FREM1: variants seen among roughly 807,000 people sequenced by gnomAD.
FREM1 encodes FRAS1 related extracellular matrix 1, also known as FRAS1-related extracellular matrix protein 1.
A neutral mutation model predicts 210.1 loss-of-function variants in FREM1; 220 were observed. The observed-to-expected ratio is 1.05, with a 90% CI of 0.94 to 1.17. The LOEUF (loss-of-function observed/expected upper bound fraction) is 1.17, where lower values mean the gene tolerates loss of function less well. Among genes scored for constraint, FREM1 ranks in the 50% most tolerant of loss-of-function variants. The probability of loss-of-function intolerance (pLI) is 0.00; values close to 1 mark genes in which losing one functional copy is unlikely to be tolerated. For synonymous variants in FREM1, 1,189 were observed against 980.2 expected (o/e 1.21, Z -3.98); for missense variants, 3,454 against 2,675.5 (o/e 1.29, Z -6.42).
At chr9:14,793,285 A>G (rs191714780) in intron 21 of FREM1, among the ~76,000 whole-genome samples, 1 of 152,234 alleles carries the variant, frequency 6.6e-6, no homozygotes, top group Non-Finnish European at 1.5e-5. Flanking sequence ...ACTCAATTAA[A>G]GAGATTCATT....
At chr9:14,843,293 A>C (rs913426325) in intron 8 of FREM1, among the ~76,000 whole-genome samples, 6 of 149,610 alleles carry the variant, frequency 4.0e-5, no homozygotes, top group African/African-American at 1.5e-4. Flanking sequence ...TACCCCACTC[A>C]CCCCTCTCCA....
intron 1 of FREM1, among the ~76,000 whole-genome samples, chr9:14,897,961 G>C (rs779064614): frequency 6.6e-6 from 1 of 152,154 alleles, no homozygotes; most frequent in South Asian, 2.1e-4. Flanking sequence ...GAGGTCTTCA[G>C]CTATGACTTA....
rs756003365 is a variant in FREM1, at chr9:14,770,703, C to T, written c.4961G>A (p.Arg1654His). The change falls in exon 26 of 37, where the codon CGC (arginine) becomes CAC (histidine). Residue 1654 changes from arginine (R) to histidine (H), a missense_variant. Arg to His is a conservative substitution (Grantham distance 29). Coordinates refer to ENST00000380880, the MANE Select transcript of FREM1 (RefSeq NM_001379081.2). ...GTCAGGGTCTGATGCCTTCAACACG[C>T]GGGAAGTGATGTAAATCCCGTAGCA... ...NGCYGIYITS[R>H]VLKASDPDTE... 19 of 1,613,144 alleles carry T rather than the reference C, an allele frequency of 1.2e-5. No individual in the cohort carries two copies. Among genetic ancestry groups the T allele is most frequent in the Middle Eastern group, 3.3e-4 (2 of 6,052 alleles).
At position 14,841,592 on chromosome 9, in the gene FREM1, A is replaced by G. The variant is rs777549483; in HGVS notation, c.1739-3T>C. ...AAGGAAGCCATGGACAGGATAGCCT[A>G]TTGGGTCCATAAAACACCACATACT... On this transcript the variant is annotated splice_polypyrimidine_tract_variant and splice_region_variant and intron_variant, in intron 9 of 36. Coordinates refer to ENST00000380880, the MANE Select transcript of FREM1 (RefSeq NM_001379081.2). 6.3e-7 allele frequency: 1 copy of G among 1,582,118 alleles called. No individual in the cohort carries two copies. Among genetic ancestry groups the G allele is most frequent in the South Asian group, 1.2e-5 (1 of 86,662 alleles).
chr9:14,819,600 A>C (rs1820914291), intron 13 of FREM1, among the ~76,000 whole-genome samples, 158 bp from the exon 14 acceptor site: 1 of 152,232 alleles, frequency 6.6e-6, no homozygotes, highest in Non-Finnish European at 1.5e-5. Flanking sequence ...AGACATTTTG[A>C]CTGAAAAATT....
intron 1 of FREM1, among the ~76,000 whole-genome samples, chr9:14,905,913 A>C: frequency 6.6e-6 from 1 of 152,136 alleles, no homozygotes; most frequent in Admixed American, 6.5e-5. Context: ...AGAAAAAAAA[A>C]AAGAATAAAG....
At chr9:14,839,016 C>A (rs1825154046) in intron 10 of FREM1, among the ~76,000 whole-genome samples, 1 of 152,138 alleles carries the variant, frequency 6.6e-6, no homozygotes, top group African/African-American at 2.4e-5. Flanking sequence ...ATGGGAAAAA[C>A]AGATGCTAGA....
rs139055146 is a variant in FREM1 at position 14,841,773 on chromosome 9, G to A, written c.1739-184C>T. 1.3e-3 allele frequency among the ~76,000 whole-genome samples: 196 copies of A among 152,082 alleles called. 1 individual carries two copies. The highest frequency in any genetic ancestry group is 4.3e-3 in the African/African-American group (178 of 41,484). ...CAGAAAAATAATAAATAATAAAGCA[G>A]GAAAACTAAAGTCACTATATCTGTC... On this transcript the variant is annotated intron_variant, in intron 9 of 36. Transcript: ENST00000380880.
Position 14,769,858 on chromosome 9 carries a change from G to C in FREM1, c.5070C>G (p.Ile1690Met), listed in dbSNP as rs374746860. 5.3e-6 allele frequency: 8 copies of C among 1,496,228 alleles called. No homozygotes were observed. The African/African-American group carries it at 1.1e-4, about 21-fold the overall frequency. 92.7% of individuals were successfully genotyped at this position (1,496,228 alleles called of 1,614,324 possible). The change falls in exon 27 of 37, where the codon ATC becomes ATG. Residue 1690 changes from isoleucine (I) to methionine (M), a missense_variant. Coordinates refer to ENST00000380880, the MANE Select transcript of FREM1 (RefSeq NM_001379081.2). ...HLENTTTGEF[I>M]HEKFSQKDLN... ...AGTCCTTTTGGCTAAATTTCTCATG[G>C]ATAAATTCACCTAAAAAAAGAAATA...
Position 14,851,371 on chromosome 9 carries a change from G to T in FREM1, c.1065C>A (p.Ile355=). 6.2e-7 allele frequency: 1 copy of T among 1,613,830 alleles called. No individual in the cohort carries two copies. The highest frequency in any genetic ancestry group is 1.1e-5 in the South Asian group (1 of 91,078). The change falls in exon 6 of 37, where the codon ATC becomes ATA. Residue 355 remains isoleucine (I), a synonymous_variant. Transcript: ENST00000380880. Reference sequence around the variant, plus strand: ...TGAGATCTTTCCAGGTGAATGAGGAGATTGGTCTGGTGTGATCCAACAGGT... The same window carrying T: ...TGAGATCTTTCCAGGTGAATGAGGATATTGGTCTGGTGTGATCCAACAGGT... The part of the protein sequence containing the change: ...VTHLLDHTRP[I]SSFTWKDLSD...
intron 21 of FREM1, among the ~76,000 whole-genome samples, chr9:14,795,791 T>C (rs1053565715): frequency 1.3e-5 from 2 of 152,142 alleles, no homozygotes; most frequent in Non-Finnish European, 2.9e-5. Context: ...TTTAATGAAA[T>C]AATATATGTG....
chr9:14,764,545 T>G (rs1401181009), intron 27 of FREM1, among the ~76,000 whole-genome samples: 2 of 152,206 alleles, frequency 1.3e-5, no homozygotes, highest in East Asian at 3.8e-4. Flanking sequence ...AACATATGTA[T>G]GCTATTTTCT....
At position 14,847,896 on chromosome 9, in the gene FREM1, C is replaced by T. The variant is rs750556417; in HGVS notation, c.1261+769G>A. 3.9e-5 allele frequency among the ~76,000 whole-genome samples: 6 copies of T among 152,282 alleles called. No homozygotes were observed. The South Asian group carries it at 1.2e-3, about 32-fold the overall frequency. On this transcript the variant is annotated intron_variant, in intron 7 of 36. Transcript: ENST00000380880. ...TCTCATTACCCCCTTGACAGAGGTA[C>T]AGTAGGATGTATAGCCAGAATTATA...
intron 14 of FREM1, among the ~76,000 whole-genome samples, chr9:14,817,869 T>C (rs113228160): frequency 6.6e-6 from 1 of 152,200 alleles, no homozygotes; most frequent in Non-Finnish European, 1.5e-5. Flanking sequence ...CCATGCTCCC[T>C]GCAATTTTCA....
At chr9:14,780,615 G>T (rs1849511243) in intron 24 of FREM1, among the ~76,000 whole-genome samples, 2 of 151,974 alleles carry the variant, frequency 1.3e-5, no homozygotes, top group Admixed American at 1.3e-4. Flanking sequence ...AGAAATTTAT[G>T]ATTCACAAAA....
intron 19 of FREM1, among the ~76,000 whole-genome samples, chr9:14,803,305 T>C (rs1223371466): frequency 8.1e-6 from 1 of 124,132 alleles, no homozygotes. Context: ...TCCCTTTCTC[T>C]CTTTTTCTTT....
At chr9:14,880,977 C>G (rs1444638276) in intron 1 of FREM1, among the ~76,000 whole-genome samples, 1 of 152,166 alleles carries the variant, frequency 6.6e-6, no homozygotes, top group East Asian at 1.9e-4. Flanking sequence ...GGCAATCCAC[C>G]TATTAATTCC....
At chr9:14,894,058 T>A (rs937921985) in intron 1 of FREM1, among the ~76,000 whole-genome samples, 2 of 152,210 alleles carry the variant, frequency 1.3e-5, no homozygotes, top group Admixed American at 1.3e-4. Flanking sequence ...ACATTGTCTA[T>A]AAGGTTTTAT....
At chr9:14,905,610 CGGG>C (rs974572346) in intron 1 of FREM1, among the ~76,000 whole-genome samples, 40 of 152,156 alleles carry the variant, frequency 2.6e-4, no homozygotes, top group Admixed American at 7.2e-4. Context: ...AAGTGAGGGT[CGGG>C]GGCAGTGGCT....
Sources: gnomAD v4.1 joint callset for allele counts (sites outside exome capture counted in the v4.1 genomes callset) on GRCh38, gnomAD v4.1.1 for gene constraint, MANE v1.5 for transcripts, NCBI Gene and HGNC (gene_info 2026-07-23, HGNC 2026-07-21) for gene names.